LRRC63: variants seen among roughly 807,000 people sequenced by gnomAD.
The protein encoded by LRRC63 is leucine rich repeat containing 63.
A neutral mutation model predicts 49.5 loss-of-function variants in LRRC63; 40 were observed. That is an observed-to-expected ratio of 0.81 (90% CI 0.63 to 1.05). The LOEUF (loss-of-function observed/expected upper bound fraction) is 1.05, where lower values mean the gene tolerates loss of function less well. Among genes scored for constraint, LRRC63 ranks in the 50% least tolerant of loss-of-function variants. LRRC63 has a pLI of 0.00. For synonymous variants in LRRC63, 191 were observed against 221.1 expected (o/e 0.86, Z 1.21); for missense variants, 636 against 663.1 (o/e 0.96, Z 0.45).
At chr13:46,261,348 A>G (rs2047611040) in intron 7 of LRRC63, among the ~76,000 whole-genome samples, 1 of 152,212 alleles carries the variant, frequency 6.6e-6, no homozygotes, top group Non-Finnish European at 1.5e-5. Flanking sequence ...TAACTTGGAT[A>G]AGGGTGAGCC....
chr13:46,219,498 C>T (rs2138361096), intron 2 of LRRC63, among the ~76,000 whole-genome samples: 1 of 152,206 alleles, frequency 6.6e-6, no homozygotes, highest in East Asian at 1.9e-4. Flanking sequence ...AGCAATTCAT[C>T]TAACCTTTTT....
chr13:46,233,352 T>C (rs927656576), intron 4 of LRRC63, among the ~76,000 whole-genome samples: 1 of 152,174 alleles, frequency 6.6e-6, no homozygotes, highest in Non-Finnish European at 1.5e-5. Context: ...TCTTTCTTTA[T>C]TCTGTGGTCA....
intron 7 of LRRC63, among the ~76,000 whole-genome samples, chr13:46,258,537 T>C (rs78117384): frequency 0.39 from 58,666 of 149,754 alleles, 11,779 homozygotes; most frequent in East Asian, 0.55. Context: ...TGGCTGGGCA[T>C]GGTGGCTCAC....
chr13:46,242,320 G>A (rs2047085892), intron 5 of LRRC63, among the ~76,000 whole-genome samples: 1 of 152,106 alleles, frequency 6.6e-6, no homozygotes, highest in Non-Finnish European at 1.5e-5. Context: ...ATTGGAAGGT[G>A]GAGGGTGGGA....
chr13:46,214,841 T>G (rs2046201427), intron 2 of LRRC63, among the ~76,000 whole-genome samples: 1 of 152,174 alleles, frequency 6.6e-6, no homozygotes, highest in Admixed American at 6.5e-5. Context: ...CAACTCCCAC[T>G]TACAAGTGAG....
At chr13:46,251,821 A>G (rs559151340) in intron 7 of LRRC63, among the ~76,000 whole-genome samples, 4 of 152,056 alleles carry the variant, frequency 2.6e-5, no homozygotes, top group African/African-American at 7.2e-5. Flanking sequence ...TACATTTTCA[A>G]TAATCATAAC....
At chr13:46,233,560 A>C (rs1270956147) in intron 4 of LRRC63, among the ~76,000 whole-genome samples, 1 of 152,214 alleles carries the variant, frequency 6.6e-6, no homozygotes, top group Non-Finnish European at 1.5e-5. Flanking sequence ...AAAATTTTAA[A>C]ATACTTTCCT....
At chr13:46,258,254 C>G (rs910665495) in intron 7 of LRRC63, among the ~76,000 whole-genome samples, 1 of 151,092 alleles carries the variant, frequency 6.6e-6, no homozygotes, top group African/African-American at 2.4e-5. Flanking sequence ...TTCAGCCTCC[C>G]AAGTAGCTGG....
At chr13:46,271,504 A>G (rs2047758155) in intron 9 of LRRC63, among the ~76,000 whole-genome samples, 1 of 152,158 alleles carries the variant, frequency 6.6e-6, no homozygotes, top group Non-Finnish European at 1.5e-5. Context: ...CAACACTGTG[A>G]CTGCTTAAAT....
chr13:46,248,884 G>T (rs1439489963), intron 6 of LRRC63, among the ~76,000 whole-genome samples: 2 of 147,406 alleles, frequency 1.4e-5, no homozygotes, highest in East Asian at 4.0e-4. Context: ...TAAATCATAT[G>T]TTAGGCTACA....
rs530963133 is a variant in LRRC63, at chr13:46,244,280, A to G, written c.991-2247A>G. 3.9e-4 allele frequency among the ~76,000 whole-genome samples: 59 copies of G among 152,066 alleles called. 1 individual carries two copies. In the South Asian group the frequency reaches 0.01, roughly 27 times the overall value. ...TTCTTTTTTTTTCTTACCCTTTTCT[A>G]TGGTGCTGATATTGTAAGGTTCTTT... On this transcript the variant is annotated intron_variant, in intron 5 of 9. Transcript: ENST00000595396.
At chr13:46,269,997 C>T (rs955557225) in intron 9 of LRRC63, 1 of 388,862 alleles carries the variant, frequency 2.6e-6, no homozygotes, top group Non-Finnish European at 4.8e-6. Context: ...AGCACTGAAC[C>T]TTATATACAT....
At chr13:46,274,801 T>C (rs1044222460) in intron 9 of LRRC63, among the ~76,000 whole-genome samples, 1 of 152,248 alleles carries the variant, frequency 6.6e-6, no homozygotes, top group South Asian at 2.1e-4. Flanking sequence ...TATGTAATGA[T>C]AAAATCAGCT....
chr13:46,238,571 C>T (rs770123004), intron 5 of LRRC63, among the ~76,000 whole-genome samples: 21 of 152,188 alleles, frequency 1.4e-4, no homozygotes, highest in African/African-American at 3.9e-4. Context: ...TCTTACATGA[C>T]GATAAGCAAG....
At chr13:46,244,268 T>G (rs2047150772) in intron 5 of LRRC63, among the ~76,000 whole-genome samples, 1 of 152,140 alleles carries the variant, frequency 6.6e-6, no homozygotes, top group African/African-American at 2.4e-5. Flanking sequence ...TTTTTTTTTC[T>G]TACCCTTTTC....
intron 6 of LRRC63, among the ~76,000 whole-genome samples, chr13:46,248,742 G>A (rs1285687141): frequency 1.3e-5 from 2 of 151,756 alleles, no homozygotes; most frequent in Non-Finnish European, 3.0e-5. Context: ...GAACAAGAGG[G>A]AAATAGAAGA....
chr13:46,256,124 G>A (rs1395399230), intron 7 of LRRC63, among the ~76,000 whole-genome samples: 1 of 152,300 alleles, frequency 6.6e-6, no homozygotes, highest in East Asian at 1.9e-4. Flanking sequence ...AACTAGGAAC[G>A]AAATTTGTGG....
chr13:46,227,997 C>T (rs929249274), exon 3 of LRRC63: 4 of 1,551,064 alleles, frequency 2.6e-6, no homozygotes, highest in Non-Finnish European at 3.5e-6. Context: ...TACTTATCAG[C>T]ACATCTCGAG....
chr13:46,248,642 C>T (rs1415003525), intron 6 of LRRC63, among the ~76,000 whole-genome samples: 1 of 151,580 alleles, frequency 6.6e-6, no homozygotes, highest in African/African-American at 2.4e-5. Flanking sequence ...AAACAAAAAC[C>T]AAAGGAATTG....
Sources: allele counts gnomAD v4.1 joint callset (sites outside exome capture counted in the v4.1 genomes callset), GRCh38; gene constraint gnomAD v4.1.1; transcripts MANE v1.5; gene names NCBI Gene and HGNC (gene_info 2026-07-23, HGNC 2026-07-21).